The following ATXN10 variants were observed in gnomAD, a reference collection of about 807,000 sequenced individuals.
ATXN10 encodes the protein ataxin 10, also known as ataxin-10.
ATXN10 carries 28 observed loss-of-function variants against 52.9 expected under a neutral mutation model. The observed-to-expected ratio is 0.53, with a 90% CI of 0.39 to 0.73. ATXN10 has a LOEUF of 0.73. Among genes scored for constraint, ATXN10 ranks in the 30% least tolerant of loss-of-function variants. The pLI, the probability that ATXN10 is intolerant of heterozygous loss-of-function variation, is 0.00. For missense variants in ATXN10, 565 were observed against 577.0 expected (o/e 0.98, Z 0.21); for synonymous variants, 226 against 221.5 (o/e 1.02, Z -0.18).
chr22:45,784,808 CGTGG>C lies in ATXN10; in HGVS notation c.1174-22149_1174-22146del, dbSNP rs1845531361. Reference sequence around the variant, plus strand: ...CTTTATTTTTTTATTTTTTAAACACCGTGGGCAAGCTGATCAACAGTTTCCAGGG... The same window carrying C: ...CTTTATTTTTTTATTTTTTAAACACCGCAAGCTGATCAACAGTTTCCAGGG... On this transcript the variant is annotated intron_variant, in intron 9 of 11. Coordinates refer to ENST00000252934, the MANE Select transcript of ATXN10 (RefSeq NM_013236.4). This position sits in a 1 kb window ranked among gnomAD's most constrained non-coding sequence, Gnocchi z 4.2. Among the ~76,000 whole-genome samples the C allele has an allele frequency of 5.9e-5, 9 of 152,214 alleles. No homozygotes were observed. Among genetic ancestry groups the C allele is most frequent in the Admixed American group, 5.9e-4 (9 of 15,288 alleles).
rs1925406559 is a variant in ATXN10, at chr22:45,738,927, T to A, written c.1003+88T>A. The A allele has an allele frequency of 3.3e-6, 4 of 1,204,580 alleles. No homozygotes were observed. The Admixed American group carries it at 5.4e-5, about 16-fold the overall frequency. The allele number at this position is 1,204,580 out of a possible 1,614,324, so 74.6% of individuals were successfully genotyped here. On this transcript the variant is annotated intron_variant, in intron 8 of 11. Transcript: ENST00000252934. ...ATAAATCCAAATACAAATCCTTAATTTTCAGTGTACTTTGGGAATTTTGTG... is the reference window on the plus strand; with the variant it reads ...ATAAATCCAAATACAAATCCTTAATATTCAGTGTACTTTGGGAATTTTGTG...
At chr22:45,695,584 G>T (rs111701137) in intron 3 of ATXN10, among the ~76,000 whole-genome samples, 3 of 149,136 alleles carry the variant, frequency 2.0e-5, no homozygotes, top group Non-Finnish European at 1.5e-5. Context: ...CCGCCTTCCC[G>T]CCGGGTTCAA....
chr22:45,820,968 C>T lies in ATXN10; in HGVS notation c.1237+13946C>T, dbSNP rs1017638827. 5.3e-5 allele frequency among the ~76,000 whole-genome samples: 8 copies of T among 152,134 alleles called. No homozygotes were observed. The highest frequency in any genetic ancestry group is 1.2e-4 in the Non-Finnish European group (8 of 68,024). On this transcript the variant is annotated intron_variant, in intron 10 of 11. Coordinates refer to ENST00000252934, the MANE Select transcript of ATXN10 (RefSeq NM_013236.4). The surrounding 1 kb of genome is among the most constrained non-coding windows in gnomAD (Gnocchi z 4.9). ...CCAGCCTTGCCTTTAAGATTTTTCA[C>T]CTGAATATGACGAGACTTAACTTTT...
At position 45,718,362 on chromosome 22, in the gene ATXN10, C is replaced by G. The variant is rs371253619; in HGVS notation, c.648-51C>G. The G allele has an allele frequency of 6.9e-5, 96 of 1,390,280 alleles. No homozygotes were observed. In the South Asian group the frequency reaches 8.2e-4, roughly 12 times the overall value. The allele number at this position is 1,390,280 out of a possible 1,614,324, so 86.1% of individuals were successfully genotyped here. Reference sequence around the variant, plus strand: ...GCCTATAAAGTAGATAAGGGCATGTCTCTTTTACTATGTTTCAAGTAACCA... The same window carrying G: ...GCCTATAAAGTAGATAAGGGCATGTGTCTTTTACTATGTTTCAAGTAACCA... On this transcript the variant is annotated intron_variant, in intron 5 of 11. Coordinates refer to ENST00000252934, the MANE Select transcript of ATXN10 (RefSeq NM_013236.4). This position sits in a 1 kb window ranked among gnomAD's most constrained non-coding sequence, Gnocchi z 4.4.
At chr22:45,799,366 T>G (rs560595643) in intron 9 of ATXN10, among the ~76,000 whole-genome samples, 1 of 152,324 alleles carries the variant, frequency 6.6e-6, no homozygotes, top group East Asian at 1.9e-4. Context: ...CCCCAATACC[T>G]TACAACGTGA....
chr22:45,758,621 T>C (rs1010131029), intron 9 of ATXN10, among the ~76,000 whole-genome samples: 9 of 152,238 alleles, frequency 5.9e-5, no homozygotes, highest in Non-Finnish European at 1.3e-4. Flanking sequence ...ATCTTTAAGA[T>C]GTTGTTTTTG....
At chr22:45,730,791 T>C (rs1302720451) in intron 7 of ATXN10, among the ~76,000 whole-genome samples, 2 of 152,236 alleles carry the variant, frequency 1.3e-5, no homozygotes, top group African/African-American at 4.8e-5. Flanking sequence ...CATGCCTTTA[T>C]AGTTACATCT....
At chr22:45,812,549 T>G (rs1928317565) in intron 10 of ATXN10, among the ~76,000 whole-genome samples, 1 of 152,228 alleles carries the variant, frequency 6.6e-6, no homozygotes, top group South Asian at 2.1e-4. Context: ...AAATTAAGTA[T>G]TCTTGGTTTG....
chr22:45,680,698 A>G (rs1032899375), intron 1 of ATXN10, among the ~76,000 whole-genome samples: 1 of 151,678 alleles, frequency 6.6e-6, no homozygotes, highest in Non-Finnish European at 1.5e-5. Flanking sequence ...TCCTGGGCTC[A>G]AGTGATCCTC....
At position 45,681,530 on chromosome 22, in the gene ATXN10, A is replaced by G. The variant is rs893245458; in HGVS notation, c.117-8182A>G. Among the ~76,000 whole-genome samples the G allele has an allele frequency of 2.0e-5, 3 of 152,120 alleles. No homozygotes were observed. Among genetic ancestry groups the G allele is most frequent in the Non-Finnish European group, 4.4e-5 (3 of 68,008 alleles). ...ATCTGGCTTAGATCCATGGATGAGT[A>G]ATAAGAGCATTTTTTAATGTACATC... On this transcript the variant is annotated intron_variant, in intron 1 of 11. Transcript: ENST00000252934. This position sits in a 1 kb window ranked among gnomAD's most constrained non-coding sequence, Gnocchi z 4.2.
chr22:45,828,440 G>GA lies in ATXN10; in HGVS notation c.1238-14546dup, dbSNP rs1428195758. Reference sequence around the variant, plus strand: ...CAGAGATAAAACAAACTAGAGAATAGAAAAATAATAGAGAAAATTATGAAA... The same window carrying GA: ...CAGAGATAAAACAAACTAGAGAATAGAAAAAATAATAGAGAAAATTATGAAA... On this transcript the variant is annotated intron_variant, in intron 10 of 11. Transcript: ENST00000252934. The surrounding 1 kb of genome is among the most constrained non-coding windows in gnomAD (Gnocchi z 4.5). Among the ~76,000 whole-genome samples the GA allele has an allele frequency of 1.2e-4, 18 of 151,898 alleles. No homozygotes were observed. The highest frequency in any genetic ancestry group is 6.6e-4 in the Admixed American group (10 of 15,242).
At chr22:45,679,993 C>T (rs2146725825) in intron 1 of ATXN10, 1 of 152,310 alleles carries the variant, frequency 6.6e-6, no homozygotes, top group Non-Finnish European at 1.5e-5. Flanking sequence ...TTTCTCAGCT[C>T]TTTCATTCTT....
intron 5 of ATXN10, among the ~76,000 whole-genome samples, chr22:45,713,267 C>T (rs567241448): frequency 1.3e-5 from 2 of 152,118 alleles, no homozygotes; most frequent in South Asian, 2.1e-4. Context: ...CAACTGTTCA[C>T]GTACTTTAAA....
intron 9 of ATXN10, among the ~76,000 whole-genome samples, chr22:45,793,946 G>C (rs1475099497): frequency 5.3e-5 from 8 of 152,222 alleles, no homozygotes; most frequent in Non-Finnish European, 8.8e-5. Flanking sequence ...TAGGCAGTGT[G>C]CCCAGAATAG....
chr22:45,694,148 G>T (rs765844547), intron 3 of ATXN10, among the ~76,000 whole-genome samples: 1 of 152,096 alleles, frequency 6.6e-6, no homozygotes, highest in African/African-American at 2.4e-5. Context: ...AACGGTTGTT[G>T]ACTTGGGATT....
intron 10 of ATXN10, among the ~76,000 whole-genome samples, chr22:45,827,162 C>T (rs1340964609): frequency 1.5e-5 from 2 of 137,088 alleles, no homozygotes; most frequent in African/African-American, 3.2e-5. Flanking sequence ...CACACACACA[C>T]ACACACACAC....
In ATXN10 at chr22:45,775,248, A is replaced by G. The variant is rs554110298; in HGVS notation, c.1174-31711A>G. Among the ~76,000 whole-genome samples the G allele has an allele frequency of 1.3e-5, 2 of 152,242 alleles. No homozygotes were observed. The highest frequency in any genetic ancestry group is 6.5e-5 in the Admixed American group (1 of 15,292). On this transcript the variant is annotated intron_variant, in intron 9 of 11. Coordinates refer to ENST00000252934, the MANE Select transcript of ATXN10 (RefSeq NM_013236.4). This position sits in a 1 kb window ranked among gnomAD's most constrained non-coding sequence, Gnocchi z 4.7. ...GACTGGGAGGGCTGGACATAACAGG[A>G]GGCTACTGGTCCTGGGCATGGGGCT...
chr22:45,703,246 A>T (rs1233423753), intron 5 of ATXN10, among the ~76,000 whole-genome samples: 1 of 152,204 alleles, frequency 6.6e-6, no homozygotes, highest in Non-Finnish European at 1.5e-5. Context: ...AGAGACTGCC[A>T]TTCAAATTGC....
chr22:45,821,601 GTCTC>G (rs1928652110), intron 10 of ATXN10, among the ~76,000 whole-genome samples: 1 of 152,146 alleles, frequency 6.6e-6, no homozygotes, highest in Non-Finnish European at 1.5e-5. Flanking sequence ...TGTTGAAATA[GTCTC>G]TCTCATCCAT....
Sources: gnomAD v4.1 joint callset for allele counts (sites outside exome capture counted in the v4.1 genomes callset) on GRCh38, gnomAD v4.1.1 for gene constraint, Gnocchi (gnomAD v3.1) non-coding constraint, MANE v1.5 for transcripts, NCBI Gene and HGNC (gene_info 2026-07-23, HGNC 2026-07-21) for gene names.